Variants in DCAF8L2 observed in about 807,000 individuals in gnomAD.
DCAF8L2 encodes DDB1- and CUL4-associated factor 8-like protein 2.
For synonymous variants in DCAF8L2, 200 were observed against 190.9 expected (o/e 1.05, Z -0.39); for missense variants, 430 against 490.7 (o/e 0.88, Z 1.17).
intron 1 of DCAF8L2, among the ~76,000 whole-genome samples, chrX:27,628,471 T>C (rs1400379347): frequency 2.7e-5 from 3 of 111,838 alleles, no homozygotes; most frequent in Non-Finnish European, 5.6e-5. Context: ...CTGGATCATG[T>C]GATAGTTCTA....
chrX:27,487,290 TTTTG>T, the DCAF8L2 span, among the ~76,000 whole-genome samples: 1 of 111,646 alleles, frequency 9.0e-6, no homozygotes, highest in Non-Finnish European at 1.9e-5. Context: ...TTTTGTTTTG[TTTTG>T]TTTTTGAGAC....
chrX:27,544,243 A>G, the DCAF8L2 span, among the ~76,000 whole-genome samples: 9 of 111,577 alleles, frequency 8.1e-5, no homozygotes, highest in Non-Finnish European at 1.3e-4. Flanking sequence ...CCAAGCCTCC[A>G]TTCTTTCTGT....
At chrX:27,720,033 T>C (rs1283036284) in intron 4 of DCAF8L2, among the ~76,000 whole-genome samples, 1 of 111,228 alleles carries the variant, frequency 9.0e-6, no homozygotes, top group Non-Finnish European at 1.9e-5. Flanking sequence ...ATCTTACATA[T>C]AGGTCTATAA....
intron 2 of DCAF8L2, among the ~76,000 whole-genome samples, chrX:27,637,052 C>T (rs752217171): frequency 3.3e-4 from 37 of 111,529 alleles, no homozygotes; most frequent in South Asian, 1.9e-3. Flanking sequence ...AAAGGTTCTC[C>T]GAAATTAGAA....
intron 4 of DCAF8L2, among the ~76,000 whole-genome samples, chrX:27,732,335 G>A (rs183808261): frequency 1.2e-4 from 13 of 110,503 alleles, no homozygotes; most frequent in Admixed American, 1.1e-3. Flanking sequence ...TATGTATTCC[G>A]CTTTTTTTAG....
At chrX:27,547,395 C>T in the DCAF8L2 span, among the ~76,000 whole-genome samples, 4 of 112,203 alleles carry the variant, frequency 3.6e-5, no homozygotes, top group African/African-American at 1.3e-4. Flanking sequence ...GGTATCTTTA[C>T]AGCAGTACCC....
chrX:27,528,317 G>A, the DCAF8L2 span, among the ~76,000 whole-genome samples: 2 of 107,041 alleles, frequency 1.9e-5, no homozygotes, highest in African/African-American at 6.7e-5. Flanking sequence ...CAGAATGTAT[G>A]TTTCTCACAC....
At chrX:27,649,150 C>T (rs1019924334) in intron 2 of DCAF8L2, among the ~76,000 whole-genome samples, 1 of 112,102 alleles carries the variant, frequency 8.9e-6, no homozygotes, top group Non-Finnish European at 1.9e-5. Context: ...TTTTTTGTGG[C>T]TGCATAGTGT....
chrX:27,749,625 A>G lies in DCAF8L2; in HGVS notation c.*834A>G, dbSNP rs1922463748. On this transcript the variant is annotated 3_prime_UTR_variant, in exon 5 of 5. Transcript: ENST00000451261. ...TGAAGTTTTAAGGTTGGGAACTCCC[A>G]CAGGGTTACCTTCCAGGAAGTCCTC... Among the ~76,000 whole-genome samples the G allele has an allele frequency of 8.9e-6, 1 of 112,271 alleles. No homozygotes were observed. Among genetic ancestry groups the G allele is most frequent in the African/African-American group, 3.2e-5 (1 of 30,916 alleles).
intron 1 of DCAF8L2, among the ~76,000 whole-genome samples, chrX:27,595,764 T>C (rs1320492645): frequency 2.7e-5 from 3 of 112,006 alleles, no homozygotes; most frequent in African/African-American, 9.7e-5. Context: ...TCCCAGCATG[T>C]TGGGAGGCTG....
intron 4 of DCAF8L2, among the ~76,000 whole-genome samples, chrX:27,744,809 C>T (rs753835400): frequency 1.8e-4 from 20 of 111,619 alleles, no homozygotes; most frequent in Non-Finnish European, 3.2e-4. Flanking sequence ...CCTGCTCCCT[C>T]TCTTACCACG....
At chrX:27,485,647 T>G in the DCAF8L2 span, among the ~76,000 whole-genome samples, 1 of 111,572 alleles carries the variant, frequency 9.0e-6, no homozygotes. Flanking sequence ...CTGGTCATCC[T>G]TAATTTAGCT....
At chrX:27,474,743 G>A in the DCAF8L2 span, among the ~76,000 whole-genome samples, 1 of 111,435 alleles carries the variant, frequency 9.0e-6, no homozygotes, top group African/African-American at 3.3e-5. Context: ...GAAATGATAG[G>A]CTTTTTGTTC....
chrX:27,710,989 C>T (rs1931506548), intron 3 of DCAF8L2, among the ~76,000 whole-genome samples: 1 of 111,288 alleles, frequency 9.0e-6, no homozygotes, highest in Admixed American at 9.6e-5. Context: ...TTTTCTGCAT[C>T]TCGTAAAATG....
At chrX:27,580,896 C>T in the DCAF8L2 span, among the ~76,000 whole-genome samples, 1 of 111,124 alleles carries the variant, frequency 9.0e-6, no homozygotes, top group Non-Finnish European at 1.9e-5. Flanking sequence ...ATGTGAACCA[C>T]GGAAATAGTT....
At chrX:27,489,858 C>T in the DCAF8L2 span, among the ~76,000 whole-genome samples, 1 of 111,653 alleles carries the variant, frequency 9.0e-6, no homozygotes, top group African/African-American at 3.3e-5. Flanking sequence ...ATGTTATATT[C>T]CTTTCATTTT....
At chrX:27,651,132 T>G (rs1929133564) in intron 2 of DCAF8L2, among the ~76,000 whole-genome samples, 1 of 112,155 alleles carries the variant, frequency 8.9e-6, no homozygotes, top group South Asian at 3.7e-4. Flanking sequence ...AACTTGCATA[T>G]CAGAAATGAA....
At chrX:27,704,704 A>C (rs1384875219) in intron 3 of DCAF8L2, among the ~76,000 whole-genome samples, 1 of 111,563 alleles carries the variant, frequency 9.0e-6, no homozygotes, top group Non-Finnish European at 1.9e-5. Flanking sequence ...TGAATGTGTT[A>C]ATTTGTTAGT....
chrX:27,673,020 T>C (rs1484902144), intron 2 of DCAF8L2, among the ~76,000 whole-genome samples: 1 of 110,968 alleles, frequency 9.0e-6, no homozygotes, highest in African/African-American at 3.3e-5. Context: ...TGAAGAAGTT[T>C]TGGGTAACTT....
Sources: allele counts gnomAD v4.1 joint callset (sites outside exome capture counted in the v4.1 genomes callset), GRCh38; gene constraint gnomAD v4.1.1; transcripts MANE v1.5; gene names NCBI Gene and HGNC (gene_info 2026-07-23, HGNC 2026-07-21).